Variants in SHPRH observed in about 807,000 individuals in gnomAD.
SHPRH encodes E3 ubiquitin-protein ligase SHPRH.
SHPRH carries 106 observed loss-of-function variants against 202.5 expected under a neutral mutation model. That is an observed-to-expected ratio of 0.52 (90% CI 0.45 to 0.62). The LOEUF is 0.62. Ranked by LOEUF, SHPRH falls within the 20% of genes least tolerant of loss-of-function variation. SHPRH has a pLI of 0.00. For missense variants in SHPRH, 1,710 were observed against 2,020.0 expected (o/e 0.85, Z 2.94); for synonymous variants, 729 against 686.0 (o/e 1.06, Z -0.98).
rs754318798 is a variant in SHPRH, at chr6:145,924,735, A to C, written c.3402+4T>G. The C allele has an allele frequency of 6.2e-7, 1 of 1,610,728 alleles. No individual in the cohort carries two copies. The highest frequency in any genetic ancestry group is 1.7e-5 in the Admixed American group (1 of 59,698). On this transcript the variant is annotated splice_donor_region_variant and intron_variant, in intron 17 of 29. Transcript: ENST00000275233. ...CAAGTAAGAAACACTGCATTTTGGC[A>C]TACCTTTCTTTGAAGCTCATGGATG...
At chr6:145,923,558 T>C in intron 18 of SHPRH, 85 bp downstream of exon 18, 2 of 1,515,372 alleles carry the variant, frequency 1.3e-6, no homozygotes, top group Non-Finnish European at 1.8e-6. Context: ...AAGCCGGTAA[T>C]AATGAGAAAT....
At chr6:145,916,308 T>C (rs556878917) in intron 23 of SHPRH, among the ~76,000 whole-genome samples, 6 of 152,172 alleles carry the variant, frequency 3.9e-5, no homozygotes, top group Non-Finnish European at 7.4e-5. Flanking sequence ...ATAAACTTTT[T>C]GAGTGCTGAT....
At chr6:145,916,716 A>G (rs1463164833) in intron 23 of SHPRH, among the ~76,000 whole-genome samples, 1 of 152,162 alleles carries the variant, frequency 6.6e-6, no homozygotes, top group African/African-American at 2.4e-5. Flanking sequence ...TATTTTGACT[A>G]TCATATTTAA....
At chr6:145,867,623 TATATATATAG>T (rs1309496760) in intron 2 of SHPRH, among the ~76,000 whole-genome samples, 65 of 68,426 alleles carry the variant, frequency 9.5e-4, no homozygotes, top group Middle Eastern at 6.9e-3. Context: ...TATATATATA[TATATATATAG>T]AGAGAGAGAG....
chr6:145,910,678 C>G, intron 24 of SHPRH, 42 bp from the exon 25 acceptor site: 13 of 1,468,706 alleles, frequency 8.9e-6, no homozygotes, highest in Non-Finnish European at 1.2e-5. Flanking sequence ...ATCAAAGATG[C>G]CTTACAATTT....
intron 2 of SHPRH, among the ~76,000 whole-genome samples, chr6:145,865,846 T>C (rs1779755584): frequency 6.6e-6 from 1 of 152,256 alleles, no homozygotes; most frequent in Non-Finnish European, 1.5e-5. Flanking sequence ...CCTATTTTTT[T>C]TCTTTTTTGG....
intron 25 of SHPRH, chr6:145,908,410 A>C (rs1783168546): frequency 6.6e-6 from 1 of 152,168 alleles, no homozygotes; most frequent in African/African-American, 2.4e-5. Flanking sequence ...ATTTCTTCAC[A>C]GCCTTGCCAG....
intron 7 of SHPRH, among the ~76,000 whole-genome samples, chr6:145,945,961 C>T (rs1229025705): frequency 6.6e-6 from 1 of 151,922 alleles, no homozygotes; most frequent in Non-Finnish European, 1.5e-5. Flanking sequence ...ACATTCATTT[C>T]CTAAAAGATA....
At chr6:145,909,709 T>TC (rs752655500) in intron 25 of SHPRH, 1 of 152,094 alleles carries the variant, frequency 6.6e-6, no homozygotes, top group Non-Finnish European at 1.5e-5. Flanking sequence ...CTCTATTCCT[T>TC]AAAGCCCACA....
Position 145,945,383 on chromosome 6 carries a change from G to T in SHPRH, c.1576C>A (p.Gln526Lys). Residue 526 changes from glutamine (Q) to lysine (K), a missense_variant and splice_region_variant, in exon 8 of 30, where the codon CAG becomes AAG. By Grantham distance (53) the Gln-to-Lys change is moderately conservative. Around this residue, in one of 8 missense-constraint regions of SHPRH, gnomAD observed 348 missense variants for 356.9 expected, o/e 0.97. Coordinates refer to ENST00000275233, the MANE Select transcript of SHPRH (RefSeq NM_001042683.3). ...GAGCTGAACTTAAGCTCTGTTACCT[G>T]CTTTTTTGTTTTATCACATATATCC... ...EEDICDKTKK[Q>K]AVGSPRKIQK... The T allele has an allele frequency of 1.2e-6, 2 of 1,608,152 alleles. No homozygotes were observed. The highest frequency in any genetic ancestry group is 1.7e-6 in the Non-Finnish European group (2 of 1,177,768).
At chr6:145,867,353 T>C (rs1034751278) in intron 2 of SHPRH, among the ~76,000 whole-genome samples, 29 of 151,840 alleles carry the variant, frequency 1.9e-4, no homozygotes, top group African/African-American at 6.3e-4. Context: ...AATCCCTCCC[T>C]GTACATGTTA....
At chr6:145,953,348 T>G (rs1260373580) in intron 2 of SHPRH, among the ~76,000 whole-genome samples, 1 of 152,084 alleles carries the variant, frequency 6.6e-6, no homozygotes, top group Non-Finnish European at 1.5e-5. Context: ...TGTTTAAATA[T>G]TTGTAAAATT....
chr6:145,933,204 A>C (rs761681871), intron 13 of SHPRH, 26 bp from the exon 14 acceptor site: 2 of 1,613,530 alleles, frequency 1.2e-6, no homozygotes, highest in Non-Finnish European at 1.7e-6. Flanking sequence ...GACTGTTCAA[A>C]ACTAGAAAGA....
At chr6:145,933,256 T>C (rs1362339788) in intron 13 of SHPRH, 78 bp from the exon 14 acceptor site, 6 of 1,594,984 alleles carry the variant, frequency 3.8e-6, no homozygotes, top group Middle Eastern at 1.7e-4. Context: ...ATATCTCACA[T>C]GATCAAGAGT....
chr6:145,903,172 A>G (rs2128726206), intron 25 of SHPRH: 1 of 151,970 alleles, frequency 6.6e-6, no homozygotes, highest in South Asian at 2.1e-4. Context: ...AGATAAATAT[A>G]TTTAAATATA....
chr6:145,916,507 A>G (rs1007907484), intron 23 of SHPRH, among the ~76,000 whole-genome samples: 4 of 152,058 alleles, frequency 2.6e-5, no homozygotes, highest in Admixed American at 2.6e-4. Flanking sequence ...GTGTGTAATC[A>G]TTTAAAAAAT....
chr6:145,866,059 T>C (rs1340834513), intron 2 of SHPRH, among the ~76,000 whole-genome samples: 1 of 152,244 alleles, frequency 6.6e-6, no homozygotes, highest in African/African-American at 2.4e-5. Context: ...TAAACTTACC[T>C]GGTAGTCACA....
chr6:145,869,814 CT>C (rs898806078), intron 2 of SHPRH, among the ~76,000 whole-genome samples: 18 of 116,316 alleles, frequency 1.5e-4, no homozygotes, highest in African/African-American at 5.1e-4. Context: ...CTTGGTTTTT[CT>C]TTTCTTTTTT....
At chr6:145,927,402 A>G in intron 14 of SHPRH, 125 bp from the exon 15 acceptor site, 1 of 884,198 alleles carries the variant, frequency 1.1e-6, no homozygotes, top group South Asian at 1.9e-5. Flanking sequence ...TTTTTTAAGT[A>G]AAGAAATTTG....
Sources: gnomAD v4.1 joint callset for allele counts (sites outside exome capture counted in the v4.1 genomes callset) on GRCh38, gnomAD v4.1.1 for gene constraint, gnomAD v4.1.1 regional missense constraint, MANE v1.5 for transcripts, NCBI Gene and HGNC (gene_info 2026-07-23, HGNC 2026-07-21) for gene names.